DIP2C: variants seen among roughly 807,000 people sequenced by gnomAD.
DIP2C encodes DIP2 acetate--CoA ligase C (putative).
Under a neutral mutation model 192.4 loss-of-function variants are expected in DIP2C, and 33 were observed. That is an observed-to-expected ratio of 0.17 (90% CI 0.13 to 0.23). The LOEUF (loss-of-function observed/expected upper bound fraction) is 0.23, where lower values mean the gene tolerates loss of function less well. DIP2C is among the 10% of genes least tolerant of loss of function. The pLI, the probability that DIP2C is intolerant of heterozygous loss-of-function variation, is 1.00. For missense variants in DIP2C, 1,537 were observed against 2,110.1 expected (o/e 0.73, Z 5.32); for synonymous variants, 979 against 864.1 (o/e 1.13, Z -2.33).
intron 1 of DIP2C, among the ~76,000 whole-genome samples, chr10:687,970 CA>C (rs780442390): frequency 6.6e-6 from 1 of 152,206 alleles, no homozygotes; most frequent in African/African-American, 2.4e-5. Flanking sequence ...TGTCCTGAGA[CA>C]GCGAACACGG....
chr10:662,329 G>C (rs1856810749), intron 1 of DIP2C, among the ~76,000 whole-genome samples: 1 of 152,190 alleles, frequency 6.6e-6, no homozygotes, highest in South Asian at 2.1e-4. Context: ...TAATTTTGTG[G>C]CATTGCCAGA....
chr10:510,884 G>A (rs1845968350), intron 1 of DIP2C, among the ~76,000 whole-genome samples: 1 of 152,206 alleles, frequency 6.6e-6, no homozygotes, highest in Non-Finnish European at 1.5e-5. Context: ...AGAGCTGGTG[G>A]TGTGGGACAG....
Position 586,438 on chromosome 10 carries a change from A to G in DIP2C, c.86-99908T>C, listed in dbSNP as rs568164974. ...CACCAACCTCACGCCACCACCCCTCACTACTTCACTAACCTACGTCACGCC... is the reference window on the plus strand; with the variant it reads ...CACCAACCTCACGCCACCACCCCTCGCTACTTCACTAACCTACGTCACGCC... On this transcript the variant is annotated intron_variant, in intron 1 of 36. Transcript: ENST00000280886. Among the ~76,000 whole-genome samples, 5 of 151,958 alleles carry G rather than the reference A, an allele frequency of 3.3e-5. No homozygotes were observed. The South Asian group carries it at 8.4e-4, about 25-fold the overall frequency.
At chr10:555,908 T>G (rs1848830323) in intron 1 of DIP2C, among the ~76,000 whole-genome samples, 1 of 152,040 alleles carries the variant, frequency 6.6e-6, no homozygotes, top group South Asian at 2.1e-4. Context: ...CTGCATGACC[T>G]CCACTGTTGC....
At chr10:656,926 A>G (rs556356509) in intron 1 of DIP2C, among the ~76,000 whole-genome samples, 1 of 152,332 alleles carries the variant, frequency 6.6e-6, no homozygotes, top group African/African-American at 2.4e-5. Flanking sequence ...AATGCTTAAC[A>G]TCCACTGTGA....
At chr10:561,168 C>T (rs979157715) in intron 1 of DIP2C, among the ~76,000 whole-genome samples, 6 of 152,210 alleles carry the variant, frequency 3.9e-5, no homozygotes, top group Admixed American at 3.9e-4. Flanking sequence ...TTCTTAGTAT[C>T]TCCTGAGGGC....
intron 1 of DIP2C, among the ~76,000 whole-genome samples, chr10:534,968 G>A (rs1207950671): frequency 5.3e-5 from 8 of 152,082 alleles, no homozygotes; most frequent in South Asian, 2.1e-4. Flanking sequence ...GAGCCACCGC[G>A]CCCGGCCTGG....
chr10:393,020 C>T (rs530157834), intron 10 of DIP2C, among the ~76,000 whole-genome samples: 3 of 152,312 alleles, frequency 2.0e-5, no homozygotes, highest in Non-Finnish European at 4.4e-5. Context: ...GACCCAAGGA[C>T]GGGACCCGGC....
intron 22 of DIP2C, among the ~76,000 whole-genome samples, chr10:361,983 C>T (rs922469835): frequency 1.3e-5 from 2 of 151,694 alleles, no homozygotes; most frequent in East Asian, 1.9e-4. Context: ...CACCAGAGAC[C>T]ATGAGAACAG....
At chr10:301,490 G>C (rs951025929) in intron 32 of DIP2C, among the ~76,000 whole-genome samples, 2 of 152,144 alleles carry the variant, frequency 1.3e-5, no homozygotes, top group African/African-American at 4.8e-5. Flanking sequence ...TCTCATTTAG[G>C]AGATAAACTG....
intron 4 of DIP2C, among the ~76,000 whole-genome samples, chr10:435,293 A>G (rs1967088356): frequency 6.6e-6 from 1 of 152,184 alleles, no homozygotes; most frequent in African/African-American, 2.4e-5. Flanking sequence ...GCTTCTCTGG[A>G]AGGTAGACCT....
chr10:286,649 T>A (rs1280109654), intron 33 of DIP2C, among the ~76,000 whole-genome samples: 1 of 152,182 alleles, frequency 6.6e-6, no homozygotes, highest in South Asian at 2.1e-4. Context: ...TTGAAAATCA[T>A]GAAAATAATG....
chr10:595,351 A>G (rs1564245370), intron 1 of DIP2C, among the ~76,000 whole-genome samples: 1 of 152,218 alleles, frequency 6.6e-6, no homozygotes, highest in Non-Finnish European at 1.5e-5. Context: ...TGTAGGCCAA[A>G]AACAGCCAAA....
intron 3 of DIP2C, among the ~76,000 whole-genome samples, chr10:469,505 T>C (rs1970466857): frequency 6.6e-6 from 1 of 151,988 alleles, no homozygotes; most frequent in Non-Finnish European, 1.5e-5. Context: ...TTCATAGAGA[T>C]GGGGTTTCGC....
At chr10:307,372 G>C (rs745596592) in intron 32 of DIP2C, among the ~76,000 whole-genome samples, 1 of 152,186 alleles carries the variant, frequency 6.6e-6, no homozygotes, top group South Asian at 2.1e-4. Context: ...TGCTGGTAAA[G>C]GTTGAAAGTG....
intron 10 of DIP2C, among the ~76,000 whole-genome samples, chr10:396,882 T>C (rs891615497): frequency 6.6e-5 from 10 of 150,438 alleles, no homozygotes; most frequent in African/African-American, 2.2e-4. Flanking sequence ...CATTCTCCCA[T>C]AGCAGCTACC....
In DIP2C at chr10:415,848, C is replaced by T. The variant is rs756521414; in HGVS notation, c.780G>A (p.Gln260=). 23 of 1,613,812 alleles carry T rather than the reference C, an allele frequency of 1.4e-5. No individual in the cohort carries two copies. The highest frequency in any genetic ancestry group is 2.2e-5 in the East Asian group (1 of 44,880). ...VSSRVSAKIQ[Q]LVNTLKRPKR... ...TCGGTCGTTTGAGGGTATTGACAAG[C>T]TGCTGGATTTTTGCTGACACCCGGC... Residue 260 remains glutamine (Q), a synonymous_variant, in exon 7 of 37, where the codon CAG becomes CAA. Transcript: ENST00000280886.
chr10:680,287 T>C (rs1221182590), intron 1 of DIP2C, among the ~76,000 whole-genome samples: 1 of 152,000 alleles, frequency 6.6e-6, no homozygotes, highest in Non-Finnish European at 1.5e-5. Context: ...ATGCTAAAAA[T>C]CCAACCCGCT....
intron 29 of DIP2C, among the ~76,000 whole-genome samples, chr10:338,424 GT>G (rs77305538): frequency 0.3 from 43,684 of 143,936 alleles, 7,525 homozygotes; most frequent in Middle Eastern, 0.42. Context: ...GCCCTACACA[GT>G]TTTTTTTTTT....
Sources: allele counts gnomAD v4.1 joint callset (sites outside exome capture counted in the v4.1 genomes callset), GRCh38; gene constraint gnomAD v4.1.1; transcripts MANE v1.5; gene names NCBI Gene and HGNC (gene_info 2026-07-23, HGNC 2026-07-21).